Variants in SLC7A1 observed in about 807,000 individuals in gnomAD.
SLC7A1 encodes the protein high affinity cationic amino acid transporter 1.
In SLC7A1, 10 loss-of-function variants were observed where a neutral mutation model predicts 53.9. That is an observed-to-expected ratio of 0.19 (90% CI 0.11 to 0.31). SLC7A1 has a LOEUF of 0.31. SLC7A1 is among the 10% of genes least tolerant of loss of function. The pLI, the probability that SLC7A1 is intolerant of heterozygous loss-of-function variation, is 1.00. For missense variants in SLC7A1, 525 were observed against 827.2 expected (o/e 0.63, Z 4.48); for synonymous variants, 342 against 338.7 (o/e 1.01, Z -0.11).
In SLC7A1 at chr13:29,517,170, C is replaced by G. The variant is rs370198806; in HGVS notation, c.1651G>C (p.Glu551Gln). 7.4e-6 allele frequency: 12 copies of G among 1,611,052 alleles called. No individual in the cohort carries two copies. The highest frequency in any genetic ancestry group is 5.5e-5 in the South Asian group (5 of 90,370). The change falls in exon 11 of 13, where the codon GAG (glutamate) becomes CAG (glutamine). Residue 551 changes from glutamate (E) to glutamine (Q), a missense_variant. Physicochemically the swap from Glu to Gln is conservative, Grantham distance 29. This residue lies in a region of SLC7A1 where 122 missense variants were observed against 140.9 expected (regional missense o/e 0.87). Coordinates refer to ENST00000380752, the MANE Select transcript of SLC7A1 (RefSeq NM_003045.5). ...TTAAATGAGAGCTTGGTCTTGCTCT[C>G]GGGCTGCCTCCAGATGACGCCCGTG... ...VVTGVIWRQP[E>Q]SKTKLSFKVP... is the part of the protein sequence containing the mutation.
chr13:29,534,753 G>A (rs1869329722), intron 3 of SLC7A1, among the ~76,000 whole-genome samples: 1 of 152,064 alleles, frequency 6.6e-6, no homozygotes, highest in South Asian at 2.1e-4. Context: ...GAACCCACAT[G>A]GCTCAACTTA....
At chr13:29,594,266 A>C (rs1872218253) in intron 1 of SLC7A1, among the ~76,000 whole-genome samples, 1 of 152,298 alleles carries the variant, frequency 6.6e-6, no homozygotes, top group South Asian at 2.1e-4. Flanking sequence ...GTAAGATAAA[A>C]GGCACATTCT....
At chr13:29,575,187 A>ACTGTT (rs1871360402) in intron 1 of SLC7A1, among the ~76,000 whole-genome samples, 2 of 152,208 alleles carry the variant, frequency 1.3e-5, no homozygotes, top group South Asian at 4.1e-4. Context: ...TACCGTTGCA[A>ACTGTT]CTGTTCTTTA....
intron 1 of SLC7A1, among the ~76,000 whole-genome samples, chr13:29,578,561 C>T (rs1413455842): frequency 6.6e-6 from 1 of 152,168 alleles, no homozygotes; most frequent in Non-Finnish European, 1.5e-5. Context: ...TGCCCAGAGC[C>T]CAGCCGTGGT....
At chr13:29,543,295 C>T (rs894155342) in intron 2 of SLC7A1, among the ~76,000 whole-genome samples, 4 of 152,226 alleles carry the variant, frequency 2.6e-5, no homozygotes, top group African/African-American at 9.6e-5. Context: ...TTCCATATAT[C>T]GAGCTGGAGG....
At chr13:29,534,017 C>T (rs1869292898) in intron 3 of SLC7A1, among the ~76,000 whole-genome samples, 1 of 152,130 alleles carries the variant, frequency 6.6e-6, no homozygotes, top group Non-Finnish European at 1.5e-5. Flanking sequence ...TTTCTTCCTC[C>T]TAAGCAGCCA....
chr13:29,582,395 C>T (rs1049572755), intron 1 of SLC7A1, among the ~76,000 whole-genome samples: 31 of 152,200 alleles, frequency 2.0e-4, no homozygotes, highest in Admixed American at 1.3e-3. Flanking sequence ...ATGACTGGGT[C>T]GCCACACCCC....
At chr13:29,559,816 C>T (rs1235694389) in intron 1 of SLC7A1, among the ~76,000 whole-genome samples, 1 of 151,728 alleles carries the variant, frequency 6.6e-6, no homozygotes, top group African/African-American at 2.4e-5. Context: ...CCCAGGTTCA[C>T]GCCATTCTCC....
At chr13:29,546,501 G>A (rs1045051784) in intron 2 of SLC7A1, among the ~76,000 whole-genome samples, 12 of 152,106 alleles carry the variant, frequency 7.9e-5, no homozygotes, top group African/African-American at 2.9e-4. Flanking sequence ...TTGCAAACGA[G>A]AGCAAAGCAG....
chr13:29,516,089 C>G (rs1422572692), intron 12 of SLC7A1, 49 bp downstream of exon 12: 1 of 1,174,704 alleles, frequency 8.5e-7, no homozygotes, highest in Admixed American at 1.9e-5. Context: ...CAAGGGAGAC[C>G]CCCAGGGGAA....
rs905518678 is a variant in SLC7A1, at chr13:29,512,006, A to C, written c.*2474T>G. On this transcript the variant is annotated 3_prime_UTR_variant, in exon 13 of 13. Coordinates refer to ENST00000380752, the MANE Select transcript of SLC7A1 (RefSeq NM_003045.5). ...CTTGTGTGTATTTTTATTTCAGGGA[A>C]AGAAATGAGGGATATGATAAGAAAA... is the stretch of plus-strand genomic sequence containing the variant. 7 of 152,164 alleles carry C rather than the reference A, an allele frequency of 4.6e-5. No individual in the cohort carries two copies. The highest frequency in any genetic ancestry group is 2.6e-4 in the Admixed American group (4 of 15,280). 9.4% of individuals were successfully genotyped at this position (152,164 alleles called of 1,614,324 possible). A position where few individuals can be genotyped will look rare whatever the true frequency, so the allele number is the denominator to read the frequency against.
intron 1 of SLC7A1, among the ~76,000 whole-genome samples, chr13:29,587,058 G>T (rs1373502061): frequency 6.6e-6 from 1 of 152,194 alleles, no homozygotes. Flanking sequence ...CAAGGAGAGG[G>T]TCTGGGGCCG....
At chr13:29,517,046 G>A in intron 11 of SLC7A1, 98 bp downstream of exon 11, 1 of 1,211,338 alleles carries the variant, frequency 8.3e-7, no homozygotes, top group Middle Eastern at 2.9e-4. Flanking sequence ...CCTTCCTCGG[G>A]AGCACCCAGG....
At chr13:29,580,038 T>G (rs1464692206) in intron 1 of SLC7A1, among the ~76,000 whole-genome samples, 1 of 152,184 alleles carries the variant, frequency 6.6e-6, no homozygotes, top group Non-Finnish European at 1.5e-5. Context: ...GGATCCATAA[T>G]CATGGAATGT....
intron 1 of SLC7A1, among the ~76,000 whole-genome samples, chr13:29,587,705 C>T (rs1871940736): frequency 6.6e-6 from 1 of 152,226 alleles, no homozygotes; most frequent in Admixed American, 6.5e-5. Flanking sequence ...TCCACCCTTC[C>T]CCACCTGGAG....
At chr13:29,544,964 C>T (rs1869850011) in intron 2 of SLC7A1, among the ~76,000 whole-genome samples, 2 of 151,904 alleles carry the variant, frequency 1.3e-5, no homozygotes, top group Non-Finnish European at 2.9e-5. Flanking sequence ...TTCTATGCCC[C>T]TGGCACCTAG....
At chr13:29,573,446 G>C (rs966671605) in intron 1 of SLC7A1, among the ~76,000 whole-genome samples, 2 of 152,182 alleles carry the variant, frequency 1.3e-5, no homozygotes, top group African/African-American at 4.8e-5. Flanking sequence ...GCACACAGAT[G>C]ATGGGGAGGT....
At chr13:29,556,240 C>T (rs994612519) in intron 1 of SLC7A1, among the ~76,000 whole-genome samples, 2 of 152,040 alleles carry the variant, frequency 1.3e-5, no homozygotes, top group Non-Finnish European at 1.5e-5. Context: ...TAAAACAATG[C>T]CACTCTTCTC....
At chr13:29,530,434 T>A (rs1869094337) in intron 5 of SLC7A1, 104 bp downstream of exon 5, 1 of 1,018,116 alleles carries the variant, frequency 9.8e-7, no homozygotes, top group Non-Finnish European at 1.5e-6. Context: ...TATCCTCAAA[T>A]AATGTTTTCT....
Sources: allele counts gnomAD v4.1 joint callset (sites outside exome capture counted in the v4.1 genomes callset), GRCh38; gene constraint gnomAD v4.1.1; regional missense constraint gnomAD v4.1.1; transcripts MANE v1.5; gene names NCBI Gene and HGNC (gene_info 2026-07-23, HGNC 2026-07-21).